CACNA1C: variants seen among roughly 807,000 people sequenced by gnomAD.
CACNA1C encodes the protein voltage-dependent L-type calcium channel subunit alpha-1C.
Under a neutral mutation model 229.0 loss-of-function variants are expected in CACNA1C, and 30 were observed. That is an observed-to-expected ratio of 0.13 (90% CI 0.10 to 0.18). The LOEUF (loss-of-function observed/expected upper bound fraction) is 0.18, where lower values mean the gene tolerates loss of function less well. Among genes scored for constraint, CACNA1C ranks in the 10% least tolerant of loss-of-function variants. CACNA1C has a pLI of 1.00. For synonymous variants in CACNA1C, 1,114 were observed against 1,132.5 expected (o/e 0.98, Z 0.33); for missense variants, 1,658 against 2,845.0 (o/e 0.58, Z 9.49).
intron 9 of CACNA1C, among the ~76,000 whole-genome samples, chr12:2,528,651 C>A (rs2154581195): frequency 6.6e-6 from 1 of 152,288 alleles, no homozygotes. Context: ...CGTTTGTTCA[C>A]AAGGCAGCCA....
intron 1 of CACNA1C, among the ~76,000 whole-genome samples, chr12:1,984,989 T>G (rs1188802888): frequency 4.6e-5 from 7 of 151,914 alleles, no homozygotes; most frequent in Non-Finnish European, 1.0e-4. Context: ...AAAACATTAT[T>G]ATCCTAGATG....
chr12:2,496,208 G>C (rs1477116444), intron 7 of CACNA1C, among the ~76,000 whole-genome samples: 1 of 152,166 alleles, frequency 6.6e-6, no homozygotes, highest in Non-Finnish European at 1.5e-5. Flanking sequence ...GAAAACGCTG[G>C]AAATCTAACC....
At chr12:2,038,842 A>G (rs913171251) in intron 1 of CACNA1C, among the ~76,000 whole-genome samples, 1 of 152,076 alleles carries the variant, frequency 6.6e-6, no homozygotes, top group African/African-American at 2.4e-5. Flanking sequence ...ATTCACTCCA[A>G]TATTACAGCA....
chr12:2,642,526 A>G (rs539015009), intron 30 of CACNA1C, among the ~76,000 whole-genome samples: 17 of 152,190 alleles, frequency 1.1e-4, no homozygotes, highest in Middle Eastern at 3.2e-3. Flanking sequence ...AGGAAGGCTC[A>G]AAGATACGTA....
intron 3 of CACNA1C, among the ~76,000 whole-genome samples, chr12:2,395,728 G>A (rs974399190): frequency 6.6e-6 from 1 of 152,062 alleles, no homozygotes; most frequent in African/African-American, 2.4e-5. Flanking sequence ...TCCTTTCAAC[G>A]CAGCACCTCT....
At chr12:2,114,104 G>A (rs2082856766) in intron 1 of CACNA1C, among the ~76,000 whole-genome samples, 1 of 152,244 alleles carries the variant, frequency 6.6e-6, no homozygotes, top group Non-Finnish European at 1.5e-5. Flanking sequence ...AGTCTCTGTG[G>A]CTCAGGAATT....
intron 1 of CACNA1C, chr12:1,997,831 C>T (rs1367204569): frequency 4.2e-6 from 4 of 959,792 alleles, no homozygotes; most frequent in Non-Finnish European, 4.8e-6. Context: ...AATTCTTTTA[C>T]TTCTTTTTGA....
Position 2,668,684 on chromosome 12 carries a change from C to CACTT in CACNA1C, c.4624-243_4624-240dup, listed in dbSNP as rs2096375683. On this transcript the variant is annotated intron_variant, in intron 37 of 46. Transcript: ENST00000399655. Reference sequence around the variant, plus strand: ...CAAGAGAGAAGGGGGAGGGACCACACACTTACTTAAACAAGCAGATCTCAT... The same window carrying CACTT: ...CAAGAGAGAAGGGGGAGGGACCACACACTTACTTACTTAAACAAGCAGATCTCAT... 1.3e-5 allele frequency: 6 copies of CACTT among 460,792 alleles called. No individual in the cohort carries two copies. The South Asian group carries it at 1.8e-4, about 14-fold the overall frequency. The allele number at this position is 460,792 out of a possible 1,614,324, so 28.5% of individuals were successfully genotyped here.
intron 3 of CACNA1C, among the ~76,000 whole-genome samples, chr12:2,404,087 A>C (rs1359761964): frequency 1.3e-5 from 2 of 152,200 alleles, no homozygotes; most frequent in African/African-American, 4.8e-5. Context: ...TGTGGATGCC[A>C]TAAAAGCACT....
At chr12:2,407,120 C>G (rs1033768245) in intron 3 of CACNA1C, among the ~76,000 whole-genome samples, 19 of 152,338 alleles carry the variant, frequency 1.2e-4, no homozygotes, top group Middle Eastern at 3.4e-3. Flanking sequence ...CTCACCGACA[C>G]CGCAGCGAGG....
chr12:2,084,684 G>T (rs900677760), intron 1 of CACNA1C, among the ~76,000 whole-genome samples: 3 of 152,154 alleles, frequency 2.0e-5, no homozygotes, highest in Non-Finnish European at 2.9e-5. Context: ...CTGATTCAGA[G>T]CTCTGAATGC....
In CACNA1C at chr12:2,617,549, G is replaced by C. The variant is rs139253238; in HGVS notation, c.3828+5536G>C. On this transcript the variant is annotated intron_variant, in intron 29 of 46. Transcript: ENST00000399655. ...GTCCTCGTATCCAGTGTGCCCATGT[G>C]GGGGCAGGGATCCTGTGGCTTCCAG... Among the ~76,000 whole-genome samples, 270 of 152,324 alleles carry C rather than the reference G, an allele frequency of 1.8e-3. 1 individual carries two copies. Among genetic ancestry groups the C allele is most frequent in the Admixed American group, 5.0e-3 (76 of 15,302 alleles).
At chr12:2,376,269 CTG>C (rs200669317) in intron 3 of CACNA1C, among the ~76,000 whole-genome samples, 3,225 of 152,294 alleles carry the variant, frequency 0.021, 49 homozygotes, top group Non-Finnish European at 0.034. Flanking sequence ...TTGTGACCTC[CTG>C]TGTGGCTTTG....
intron 1 of CACNA1C, among the ~76,000 whole-genome samples, chr12:2,087,506 A>G (rs1417616758): frequency 6.6e-6 from 1 of 152,254 alleles, no homozygotes; most frequent in East Asian, 1.9e-4. Flanking sequence ...TTAATGGATA[A>G]TCTGTACGTA....
chr12:2,164,206 G>A (rs1288542441), intron 3 of CACNA1C, among the ~76,000 whole-genome samples: 4 of 152,178 alleles, frequency 2.6e-5, no homozygotes, highest in African/African-American at 9.7e-5. Flanking sequence ...CTGCTTCATG[G>A]ACAATAATCC....
chr12:2,200,759 T>C (rs2097559123), intron 3 of CACNA1C, among the ~76,000 whole-genome samples: 1 of 152,130 alleles, frequency 6.6e-6, no homozygotes, highest in African/African-American at 2.4e-5. Context: ...GGGGAAAGCT[T>C]TCTGAGAGGT....
intron 1 of CACNA1C, among the ~76,000 whole-genome samples, chr12:2,027,406 C>T (rs2047519272): frequency 6.6e-6 from 1 of 152,168 alleles, no homozygotes; most frequent in African/African-American, 2.4e-5. Flanking sequence ...TGCTTAAATG[C>T]TTAACAGTCT....
At chr12:2,166,748 T>C (rs2096254458) in intron 3 of CACNA1C, among the ~76,000 whole-genome samples, 1 of 152,318 alleles carries the variant, frequency 6.6e-6, no homozygotes, top group Middle Eastern at 3.4e-3. Flanking sequence ...GCTGAAATTA[T>C]GTTAACTAGT....
At chr12:2,644,230 C>T (rs1333471258) in intron 30 of CACNA1C, among the ~76,000 whole-genome samples, 2 of 152,162 alleles carry the variant, frequency 1.3e-5, no homozygotes, top group Non-Finnish European at 2.9e-5. Context: ...ATTGGGCAGC[C>T]GTTTTCTGTA....
Sources: allele counts gnomAD v4.1 joint callset (sites outside exome capture counted in the v4.1 genomes callset), GRCh38; gene constraint gnomAD v4.1.1; transcripts MANE v1.5; gene names NCBI Gene and HGNC (gene_info 2026-07-23, HGNC 2026-07-21).